The following PPP2R3A variants were observed in gnomAD, a reference collection of about 807,000 sequenced individuals.
PPP2R3A encodes protein phosphatase 2 regulatory subunit B''alpha.
In PPP2R3A, 80 loss-of-function variants were observed where a neutral mutation model predicts 106.9. That is an observed-to-expected ratio of 0.75 (90% confidence interval 0.62 to 0.90). The LOEUF is 0.90. PPP2R3A is among the 40% of genes least tolerant of loss of function. The pLI is 0.00. For missense variants in PPP2R3A, 1,386 were observed against 1,350.4 expected, an observed-to-expected ratio of 1.03 and a Z score of -0.41; for synonymous variants, 483 against 468.3, an observed-to-expected ratio of 1.03 and a Z score of -0.41.
chr3:136,085,708 T>C (rs61791721), intron 8 of PPP2R3A, among the ~76,000 whole-genome samples: 1 of 152,130 alleles, frequency 6.6e-6, no homozygotes. Context: ...TTATTAGATA[T>C]AGCAGAGTAT....
At chr3:136,127,976 C>T (rs902553016) in intron 13 of PPP2R3A, among the ~76,000 whole-genome samples, 1 of 152,124 alleles carries the variant, frequency 6.6e-6, no homozygotes, top group African/African-American at 2.4e-5. Context: ...GAGATTTTGT[C>T]ACCACCAGGC....
intron 3 of PPP2R3A, among the ~76,000 whole-genome samples, chr3:136,028,520 A>G (rs1934747654): frequency 6.6e-6 from 1 of 152,188 alleles, no homozygotes; most frequent in African/African-American, 2.4e-5. Flanking sequence ...ATGCCGGGAG[A>G]CAAGTTGTCT....
intron 13 of PPP2R3A, among the ~76,000 whole-genome samples, chr3:136,119,768 A>AT (rs1937921186): frequency 6.6e-6 from 1 of 152,254 alleles, no homozygotes; most frequent in African/African-American, 2.4e-5. Flanking sequence ...TGGGAGTATA[A>AT]GTTAGTTCAA....
At chr3:136,114,921 T>G (rs1040679083) in intron 13 of PPP2R3A, among the ~76,000 whole-genome samples, 5 of 151,954 alleles carry the variant, frequency 3.3e-5, no homozygotes, top group African/African-American at 1.2e-4. Context: ...CAGCACAACG[T>G]TTGAGACTGC....
intron 1 of PPP2R3A, among the ~76,000 whole-genome samples, chr3:135,978,676 C>G (rs1190718502): frequency 6.6e-6 from 1 of 151,744 alleles, no homozygotes; most frequent in Non-Finnish European, 1.5e-5. Context: ...TTTCTTCTAC[C>G]TTGACATTTA....
chr3:136,127,110 T>A (rs1410287782), intron 13 of PPP2R3A, among the ~76,000 whole-genome samples: 2 of 152,160 alleles, frequency 1.3e-5, no homozygotes, highest in Non-Finnish European at 2.9e-5. Context: ...CCTCTTCTCC[T>A]CCAAAGGATC....
chr3:135,997,261 A>G (rs1482208028), intron 1 of PPP2R3A, among the ~76,000 whole-genome samples: 1 of 152,180 alleles, frequency 6.6e-6, no homozygotes, highest in Non-Finnish European at 1.5e-5. Flanking sequence ...CAACCTTCAT[A>G]TTGGCAAATC....
chr3:136,070,335 A>G, intron 5 of PPP2R3A, 143 bp from the exon 6 acceptor site: 2 of 597,680 alleles, frequency 3.3e-6, no homozygotes, highest in Non-Finnish European at 5.6e-6. Context: ...AAACGAATTT[A>G]ATAAAGAATT....
chr3:135,971,101 A>G (rs1937234774), intron 1 of PPP2R3A, among the ~76,000 whole-genome samples: 1 of 152,174 alleles, frequency 6.6e-6, no homozygotes, highest in Non-Finnish European at 1.5e-5. Context: ...TAACTGTGAG[A>G]TTCCCAGGAA....
At position 136,027,087 on chromosome 3, in the gene PPP2R3A, A is replaced by G; in HGVS notation, c.2251A>G (p.Lys751Glu). ...EQKADIYEMGKIAKVCGCPLY... is the reference protein window; with the variant it reads ...EQKADIYEMGEIAKVCGCPLY... ...GAAAGCAGACATTTATGAAATGGGG[A>G]AAATTGCAAAGGTAATGTAACTACT... The change falls in exon 3 of 14, where the codon AAA becomes GAA. Residue 751 changes from lysine (K) to glutamate (E), a missense_variant. By Grantham distance (56) the Lys-to-Glu change is moderately conservative. Transcript: ENST00000264977. 6.2e-7 allele frequency: 1 copy of G among 1,612,488 alleles called. No individual in the cohort carries two copies. Among genetic ancestry groups the G allele is most frequent in the Non-Finnish European group, 8.5e-7 (1 of 1,179,232 alleles).
At chr3:135,996,858 T>C (rs60393211) in intron 1 of PPP2R3A, among the ~76,000 whole-genome samples, 1,667 of 152,318 alleles carry the variant, frequency 0.011, 27 homozygotes, top group African/African-American at 0.037. Flanking sequence ...CCCTAAACTT[T>C]AATCAATAAT....
intron 5 of PPP2R3A, among the ~76,000 whole-genome samples, chr3:136,051,284 A>G (rs937763959): frequency 6.6e-6 from 1 of 152,124 alleles, no homozygotes; most frequent in African/African-American, 2.4e-5. Flanking sequence ...ATACATGGAA[A>G]TAGTTGAGGT....
At position 136,035,151 on chromosome 3, in the gene PPP2R3A, G is replaced by A. The variant is rs147041244; in HGVS notation, c.2263-5708G>A. Among the ~76,000 whole-genome samples, 529 of 152,246 alleles carry A rather than the reference G, an allele frequency of 3.5e-3. 4 individuals carry two copies. The highest frequency in any genetic ancestry group is 0.012 in the African/African-American group (491 of 41,546). On this transcript the variant is annotated intron_variant, in intron 3 of 13. Transcript: ENST00000264977. ...CTTGAAGGCAGCAGATAATTGGTTG[G>A]TGAATTCTTATCAATTCTTCAATTC... is the stretch of plus-strand genomic sequence containing the variant.
intron 1 of PPP2R3A, among the ~76,000 whole-genome samples, chr3:135,979,691 G>C (rs1439613431): frequency 1.3e-5 from 2 of 151,510 alleles, no homozygotes; most frequent in Non-Finnish European, 2.9e-5. Context: ...TATAATAAAA[G>C]ATCAGAATGT....
chr3:136,103,785 A>G (rs979065206), intron 12 of PPP2R3A, among the ~76,000 whole-genome samples: 2 of 152,184 alleles, frequency 1.3e-5, no homozygotes, highest in Non-Finnish European at 2.9e-5. Flanking sequence ...TTTCCCCATC[A>G]CGGTAAAAAC....
intron 5 of PPP2R3A, among the ~76,000 whole-genome samples, chr3:136,068,002 A>T (rs549861884): frequency 6.6e-6 from 1 of 152,318 alleles, no homozygotes; most frequent in African/African-American, 2.4e-5. Context: ...AGGCAGGCAG[A>T]TCGCTTGAGC....
At chr3:136,134,492 C>T (rs993778179) in intron 13 of PPP2R3A, among the ~76,000 whole-genome samples, 5 of 152,120 alleles carry the variant, frequency 3.3e-5, no homozygotes, top group African/African-American at 1.2e-4. Flanking sequence ...GTATCTGTGT[C>T]ATAACATGCA....
chr3:136,046,805 C>T (rs114782279), intron 4 of PPP2R3A, among the ~76,000 whole-genome samples: 1,854 of 152,196 alleles, frequency 0.012, 39 homozygotes, highest in African/African-American at 0.043. Flanking sequence ...GGTAAGAAAG[C>T]TCAATGAAAT....
intron 5 of PPP2R3A, among the ~76,000 whole-genome samples, chr3:136,062,240 C>T (rs548107103): frequency 6.6e-6 from 1 of 152,088 alleles, no homozygotes; most frequent in African/African-American, 2.4e-5. Flanking sequence ...AGTAAGTAAA[C>T]CAAGAAAGAG....
Sources: gnomAD v4.1 joint callset for allele counts (sites outside exome capture counted in the v4.1 genomes callset) on GRCh38, gnomAD v4.1.1 for gene constraint, MANE v1.5 for transcripts, NCBI Gene and HGNC (gene_info 2026-07-23, HGNC 2026-07-21) for gene names.